ZNF350: variants seen among roughly 807,000 people sequenced by gnomAD.
ZNF350 encodes zinc finger protein 350.
In ZNF350, 5 loss-of-function variants were observed where a neutral mutation model predicts 13.1. That is an observed-to-expected ratio of 0.38 (90% CI 0.20 to 0.80). ZNF350 has a LOEUF of 0.80. Among genes scored for constraint, ZNF350 ranks in the 30% least tolerant of loss-of-function variants. The probability of loss-of-function intolerance (pLI) is 0.43; values close to 1 mark genes in which losing one functional copy is unlikely to be tolerated. For missense variants in ZNF350, 534 were observed against 644.2 expected (o/e 0.83, Z 1.85); for synonymous variants, 199 against 224.2 (o/e 0.89, Z 1.00).
Position 51,968,603 on chromosome 19 carries a change from A to G in ZNF350, c.213T>C (p.Asp71=), listed in dbSNP as rs1227076501. The change falls in exon 4 of 5, where the codon GAT becomes GAC. Residue 71 remains aspartate, a synonymous_variant. Transcript: ENST00000243644. ...CTGAACAGGCTCCACTGTGGATTCC[A>G]TCTTCAATTGTCCACAGTTGTTCTC... ...EQGEQLWTIE[D]GIHSGACSDI... is the part of the protein sequence containing the mutation. 1 of 1,614,084 alleles carries G rather than the reference A, an allele frequency of 6.2e-7. No individual in the cohort carries two copies. Among genetic ancestry groups the G allele is most frequent in the Non-Finnish European group, 8.5e-7 (1 of 1,180,012 alleles).
intron 2 of ZNF350, 160 bp downstream of exon 2, chr19:51,974,186 C>A (rs1322158056): frequency 4.5e-6 from 3 of 672,782 alleles, no homozygotes; most frequent in Non-Finnish European, 2.4e-6. Flanking sequence ...CCTTATCCTA[C>A]TATTTTGCAT....
rs1384363539 is a variant in ZNF350 at position 51,965,781 on chromosome 19, G to C, written c.672C>G (p.His224Gln). The C allele has an allele frequency of 6.2e-7, 1 of 1,613,592 alleles. No homozygotes were observed. Among genetic ancestry groups the C allele is most frequent in the Admixed American group, 1.7e-5 (1 of 59,990 alleles). ...AFIKKSWLTD[H>Q]QVMHTGEKPH... ...GTTTCTCTCCTGTATGCATTACCTG[G>C]TGATCAGTTAGCCAAGACTTCTTGA... Residue 224 changes from histidine (H) to glutamine (Q), a missense_variant, in exon 5 of 5, where the codon CAC (histidine) becomes CAG (glutamine). Physicochemically the swap from His to Gln is conservative, Grantham distance 24. Coordinates refer to ENST00000243644, the MANE Select transcript of ZNF350 (RefSeq NM_021632.4).
chr19:51,974,719 A>G (rs901922039), intron 1 of ZNF350, 188 bp from the exon 2 acceptor site: 4 of 183,508 alleles, frequency 2.2e-5, no homozygotes, highest in African/African-American at 9.4e-5. Context: ...TGGTGGAGGT[A>G]TGCCTTTCCT....
chr19:51,984,926 A>T (rs1465488559), intron 1 of ZNF350, among the ~76,000 whole-genome samples: 2 of 152,216 alleles, frequency 1.3e-5, no homozygotes, highest in African/African-American at 4.8e-5. Context: ...AAAAAGAGTG[A>T]TGTACAATTC....
At chr19:51,970,230 T>G (rs2122890310) in intron 2 of ZNF350, among the ~76,000 whole-genome samples, 1 of 151,920 alleles carries the variant, frequency 6.6e-6, no homozygotes, top group Admixed American at 6.6e-5. Context: ...ACCAGCTAAT[T>G]TTTTGTATTT....
intron 2 of ZNF350, chr19:51,974,123 T>C (rs1467585541): frequency 4.5e-6 from 2 of 441,872 alleles, no homozygotes; most frequent in Non-Finnish European, 8.1e-6. Flanking sequence ...CCTCCAGCCA[T>C]GCATGGTGTC....
chr19:51,970,879 A>G (rs1323629552), intron 2 of ZNF350, among the ~76,000 whole-genome samples: 1 of 152,238 alleles, frequency 6.6e-6, no homozygotes, highest in East Asian at 1.9e-4. Context: ...GGTTACCTAC[A>G]AAGGAGACAA....
chr19:51,967,115 C>CT (rs1320545975), intron 4 of ZNF350, among the ~76,000 whole-genome samples: 1 of 152,150 alleles, frequency 6.6e-6, no homozygotes. Context: ...AAGGTTAGAT[C>CT]ACTAATAATA....
chr19:51,968,711 A>C, intron 3 of ZNF350, 38 bp from the exon 4 acceptor site: 1 of 1,592,654 alleles, frequency 6.3e-7, no homozygotes, highest in Middle Eastern at 1.7e-4. Context: ...AGACATATCA[A>C]ATTGGGCTGG....
At chr19:51,985,982 G>A (rs1029359800) in intron 1 of ZNF350, among the ~76,000 whole-genome samples, 1 of 152,034 alleles carries the variant, frequency 6.6e-6, no homozygotes, top group Non-Finnish European at 1.5e-5. Context: ...ACTCCAGTCT[G>A]GGAGACAAAA....
At chr19:51,974,201 T>C in intron 2 of ZNF350, 145 bp downstream of exon 2, 3 of 786,618 alleles carry the variant, frequency 3.8e-6, no homozygotes, top group African/African-American at 1.7e-5. Flanking sequence ...TTGCATGATA[T>C]TGAGTTTAAA....
Position 51,965,563 on chromosome 19 carries a change from T to C in ZNF350, c.890A>G (p.Lys297Arg). The C allele has an allele frequency of 6.2e-7, 1 of 1,614,224 alleles. No homozygotes were observed. Among genetic ancestry groups the C allele is most frequent in the Non-Finnish European group, 8.5e-7 (1 of 1,180,034 alleles). The change falls in exon 5 of 5, where the codon AAA becomes AGA. Residue 297 changes from lysine (K) to arginine (R), a missense_variant. By Grantham distance (26) the Lys-to-Arg change is conservative. Transcript: ENST00000243644. ...GAGATTTCCTTTCTGGATGAAGCCT[T>C]TTCCACATTCACTGCATATATAGGG... ...EKPYICSECG[K>R]GFIQKGNLIV...
rs2085513189 is a variant in ZNF350, at chr19:51,964,623, T to TA, written c.*230dup. ...TTCACAGTACTTCATTTCCTCCACT[T>TA]AAAAGTACTTGGGCTTCCTTTACTC... is the stretch of plus-strand genomic sequence containing the variant. On this transcript the variant is annotated 3_prime_UTR_variant, in exon 5 of 5. Transcript: ENST00000243644. 5.7e-6 allele frequency: 3 copies of TA among 530,316 alleles called. No individual in the cohort carries two copies. The highest frequency in any genetic ancestry group is 3.0e-5 in the East Asian group (1 of 32,852). 32.9% of individuals were successfully genotyped at this position (530,316 alleles called of 1,614,324 possible). A position where few individuals can be genotyped will look rare whatever the true frequency, so the allele number is the denominator to read the frequency against.
rs770807218 is a variant in ZNF350, at chr19:51,965,017, A to G, written c.1436T>C (p.Leu479Pro). The G allele has an allele frequency of 6.2e-7, 1 of 1,614,174 alleles. No homozygotes were observed. The highest frequency in any genetic ancestry group is 8.5e-7 in the Non-Finnish European group (1 of 1,180,038). Residue 479 changes from leucine to proline, a missense_variant, in exon 5 of 5, where the codon CTC becomes CCC. Coordinates refer to ENST00000243644, the MANE Select transcript of ZNF350 (RefSeq NM_021632.4). ...CACAAGGACTACGTTCCTGTTTGCG[A>G]GGAGGCCGCTGATGTTTAATGATGT... ...PQTSLNISGL[L>P]ANRNVVLVGQ...
At chr19:51,971,821 C>T (rs1272193893) in intron 2 of ZNF350, among the ~76,000 whole-genome samples, 1 of 152,080 alleles carries the variant, frequency 6.6e-6, no homozygotes, top group Non-Finnish European at 1.5e-5. Context: ...TGTTCAGTCC[C>T]CCTAGGTCTG....
chr19:51,964,753 A>C lies in ZNF350; in HGVS notation c.*101T>G, dbSNP rs747611134. 2 of 1,341,652 alleles carry C rather than the reference A, an allele frequency of 1.5e-6. No individual in the cohort carries two copies. Among genetic ancestry groups the C allele is most frequent in the Admixed American group, 2.2e-5 (1 of 44,774 alleles). 83.1% of individuals were successfully genotyped at this position (1,341,652 alleles called of 1,614,324 possible). Reference sequence around the variant, plus strand: ...TTTAATAGGATGAGTTTATCAGGCTATCTCAGCCTTATACATGTTCTCTCA... The same window carrying C: ...TTTAATAGGATGAGTTTATCAGGCTCTCTCAGCCTTATACATGTTCTCTCA... On this transcript the variant is annotated 3_prime_UTR_variant, in exon 5 of 5. Coordinates refer to ENST00000243644, the MANE Select transcript of ZNF350 (RefSeq NM_021632.4).
intron 1 of ZNF350, among the ~76,000 whole-genome samples, chr19:51,978,992 G>GACAAGCA (rs1387916689): frequency 6.6e-6 from 1 of 152,166 alleles, no homozygotes; most frequent in Admixed American, 6.5e-5. Context: ...AGCCATGTGG[G>GACAAGCA]TGCCCTCAAG....
intron 2 of ZNF350, 82 bp downstream of exon 2, chr19:51,974,264 A>G (rs893262379): frequency 1.8e-5 from 27 of 1,464,012 alleles, no homozygotes; most frequent in Non-Finnish European, 2.4e-5. Context: ...TACTTTTTAT[A>G]TTAGTGAAAT....
At chr19:51,970,726 G>C (rs2085714146) in intron 2 of ZNF350, among the ~76,000 whole-genome samples, 1 of 152,102 alleles carries the variant, frequency 6.6e-6, no homozygotes, top group African/African-American at 2.4e-5. Context: ...AAATTTTTCA[G>C]AACTGATTAA....
Sources: allele counts gnomAD v4.1 joint callset (sites outside exome capture counted in the v4.1 genomes callset), GRCh38; gene constraint gnomAD v4.1.1; transcripts MANE v1.5; gene names NCBI Gene and HGNC (gene_info 2026-07-23, HGNC 2026-07-21).